Variants in TMEM269 observed in about 807,000 individuals in gnomAD.
The protein encoded by TMEM269 is transmembrane protein 269.
In TMEM269, 12 loss-of-function variants were observed where a neutral mutation model predicts 15.8. The ratio of observed to expected loss-of-function variants is 0.76; its 90% CI spans 0.49 to 1.23. TMEM269 has a LOEUF of 1.23. Ranked by LOEUF, TMEM269 falls within the 50% of genes most tolerant of loss-of-function variation. TMEM269 has a pLI of 0.00. For synonymous variants in TMEM269, 93 were observed against 99.3 expected, an observed-to-expected ratio of 0.94 and a Z score of 0.38; for missense variants, 211 against 245.4, an observed-to-expected ratio of 0.86 and a Z score of 0.94.
intron 2 of TMEM269, among the ~76,000 whole-genome samples, chr1:42,792,395 T>C (rs1462402216): frequency 4.6e-5 from 7 of 152,110 alleles, no homozygotes; most frequent in African/African-American, 1.4e-4. Context: ...ATTTTACAGA[T>C]GGGGGAACAG....
At chr1:42,790,624 GGT>G (rs1304148395) in intron 2 of TMEM269, among the ~76,000 whole-genome samples, 2 of 148,752 alleles carry the variant, frequency 1.3e-5, no homozygotes, top group African/African-American at 2.5e-5. Flanking sequence ...TAAGAGATGA[GGT>G]CTCATTATAT....
Position 42,789,872 on chromosome 1 carries a change from C to A in TMEM269, c.-22C>A. 6.4e-7 allele frequency: 1 copy of A among 1,550,888 alleles called. No individual in the cohort carries two copies. The highest frequency in any genetic ancestry group is 2.4e-5 in the East Asian group (1 of 40,926). On this transcript the variant is annotated 5_prime_UTR_variant, in exon 2 of 6. Transcript: ENST00000637012. ...ATGAGGTTTCCTGGAAGGATGTTACCAGTGCCTTATCTCTGGCCAACATGG... is the reference window on the plus strand; with the variant it reads ...ATGAGGTTTCCTGGAAGGATGTTACAAGTGCCTTATCTCTGGCCAACATGG...
rs1653834693 is a variant in TMEM269 at position 42,798,737 on chromosome 1, T to TTTG, written c.*514_*515insGTT. ...TTGTAACTTCAACATTCTGGGTTTT[T>TTTG]TTTTTTTTTTTTTTTTTTTTTTTGA... is the stretch of plus-strand genomic sequence containing the variant. On this transcript the variant is annotated 3_prime_UTR_variant, in exon 6 of 6. Transcript: ENST00000637012. 7.7e-6 allele frequency: 1 copy of TTTG among 129,628 alleles called. No homozygotes were observed. Among genetic ancestry groups the TTTG allele is most frequent in the Non-Finnish European group, 1.6e-5 (1 of 60,858 alleles). 8.0% of individuals were successfully genotyped at this position (129,628 alleles called of 1,614,324 possible).
chr1:42,786,331 G>T (rs1343284701), intron 1 of TMEM269, among the ~76,000 whole-genome samples: 1 of 152,204 alleles, frequency 6.6e-6, no homozygotes. Context: ...TGTAGGCGGT[G>T]CCCAAACAGA....
chr1:42,793,504 A>T, intron 3 of TMEM269, 97 bp from the exon 4 acceptor site: 2 of 1,250,980 alleles, frequency 1.6e-6, no homozygotes, highest in Non-Finnish European at 2.2e-6. Flanking sequence ...TGACCTCAGG[A>T]CCCCTCTTAT....
chr1:42,792,761 T>A, intron 2 of TMEM269, 44 bp from the exon 3 acceptor site: 3 of 1,285,024 alleles, frequency 2.3e-6, no homozygotes, highest in Non-Finnish European at 3.3e-6. Context: ...CAGTGGAAAC[T>A]GCGAAAGTGC....
At chr1:42,789,462 T>G in intron 1 of TMEM269, 1 of 1,535,524 alleles carries the variant, frequency 6.5e-7, no homozygotes. Context: ...CCCCCTGCAT[T>G]CTGGGCCATG....
At chr1:42,786,111 G>C (rs747708778) in intron 1 of TMEM269, among the ~76,000 whole-genome samples, 1 of 152,220 alleles carries the variant, frequency 6.6e-6, no homozygotes. Context: ...CTGGACTGTT[G>C]AGCGTTCATC....
intron 3 of TMEM269, 54 bp downstream of exon 3, chr1:42,792,956 G>C: frequency 7.1e-7 from 1 of 1,401,846 alleles, no homozygotes; most frequent in Admixed American, 2.0e-5. Flanking sequence ...TCCATCTGGG[G>C]TCACCCCTTC....
intron 1 of TMEM269, among the ~76,000 whole-genome samples, chr1:42,787,546 G>A (rs1653565379): frequency 7.0e-6 from 1 of 142,448 alleles, no homozygotes; most frequent in African/African-American, 2.6e-5. Flanking sequence ...CTTGCAGTGA[G>A]CCGAGATTGT....
intron 5 of TMEM269, 39 bp downstream of exon 5, chr1:42,794,652 GT>G (rs1653761554): frequency 7.1e-7 from 1 of 1,416,080 alleles, no homozygotes; most frequent in Admixed American, 2.0e-5. Flanking sequence ...TGTTATCACA[GT>G]TGCTTATTGC....
At chr1:42,795,509 A>G (rs575209658) in intron 5 of TMEM269, among the ~76,000 whole-genome samples, 7 of 152,320 alleles carry the variant, frequency 4.6e-5, no homozygotes, top group Middle Eastern at 3.4e-3. Context: ...TTTTGTTCAG[A>G]TGAGAGGTGA....
At position 42,793,698 on chromosome 1, in the gene TMEM269, C is replaced by T; in HGVS notation, c.237C>T (p.Ile79=). The change falls in exon 4 of 6, where the codon ATC becomes ATT. Residue 79 remains isoleucine, a synonymous_variant. Transcript: ENST00000637012. ...VDGLLSGILA[I]IYVSAASFHL... is the part of the protein sequence containing the mutation. ...GACTTCTGAGTGGGATCCTGGCCAT[C>T]ATCTATGTGTCAGCTGCTTCTTTCC... is the stretch of plus-strand genomic sequence containing the variant. The T allele has an allele frequency of 6.4e-7, 1 of 1,550,624 alleles. No homozygotes were observed.
chr1:42,793,801 C>T, intron 4 of TMEM269, 57 bp downstream of exon 4: 1 of 1,505,440 alleles, frequency 6.6e-7, no homozygotes, highest in Admixed American at 2.3e-5. Context: ...GAACGGGGGG[C>T]TGTCGGGTGC....
Position 42,798,015 on chromosome 1 carries a change from G to GGGT in TMEM269, c.485-80_485-78dup, listed in dbSNP as rs2124225628. 1.1e-5 allele frequency: 16 copies of GGGT among 1,459,922 alleles called. No homozygotes were observed. In the South Asian group the frequency reaches 2.0e-4, roughly 18 times the overall value. 90.4% of individuals were successfully genotyped at this position (1,459,922 alleles called of 1,614,324 possible). On this transcript the variant is annotated intron_variant, in intron 5 of 5. Transcript: ENST00000637012. The stretch of plus-strand genomic sequence containing the variant: ...TGTGGGTGAAAAGTAAAGAATGGGA[G>GGGT]GGTGGGGACGGGAGAGTAGAGGGTA...
rs1370488490 is a variant in TMEM269, at chr1:42,788,600, GT to G, written c.-98-1195del. On this transcript the variant is annotated intron_variant, in intron 1 of 5. Transcript: ENST00000637012. The surrounding 1 kb of genome is among the most constrained non-coding windows in gnomAD (Gnocchi z 4.0). ...AGCACTGGGGGGCCTGGGCTGGACG[GT>G]CCCACACACACAGGGAGGCTGCTGC... 1.3e-5 allele frequency among the ~76,000 whole-genome samples: 2 copies of G among 152,280 alleles called. No individual in the cohort carries two copies. Among genetic ancestry groups the G allele is most frequent in the African/African-American group, 4.8e-5 (2 of 41,548 alleles).
At chr1:42,794,245 C>T (rs572555835) in intron 4 of TMEM269, among the ~76,000 whole-genome samples, 168 bp from the exon 5 acceptor site, 1 of 152,318 alleles carries the variant, frequency 6.6e-6, no homozygotes, top group East Asian at 1.9e-4. Context: ...CAATGTAAAA[C>T]CCATGCATCA....
intron 1 of TMEM269, among the ~76,000 whole-genome samples, chr1:42,785,351 C>T (rs1013554580): frequency 9.2e-5 from 14 of 152,156 alleles, no homozygotes; most frequent in African/African-American, 3.4e-4. Context: ...GCCTGTGCCA[C>T]GCGTGTCGCC....
rs551051221 is a variant in TMEM269 at position 42,788,472 on chromosome 1, G to T, written c.-98-1324G>T. On this transcript the variant is annotated intron_variant, in intron 1 of 5. Transcript: ENST00000637012. The surrounding 1 kb of genome is among the most constrained non-coding windows in gnomAD (Gnocchi z 4.0). ...GTTTCTCAAGCAGATTGAGTGTAAGGTGTACAAATGTGGTCTTAGAGTAAA... is the reference window on the plus strand; with the variant it reads ...GTTTCTCAAGCAGATTGAGTGTAAGTTGTACAAATGTGGTCTTAGAGTAAA... Among the ~76,000 whole-genome samples the T allele has an allele frequency of 5.9e-5, 9 of 152,248 alleles. No homozygotes were observed. Among genetic ancestry groups the T allele is most frequent in the African/African-American group, 2.2e-4 (9 of 41,566 alleles).
Sources: allele counts gnomAD v4.1 joint callset (sites outside exome capture counted in the v4.1 genomes callset), GRCh38; gene constraint gnomAD v4.1.1; non-coding constraint Gnocchi (gnomAD v3.1); transcripts MANE v1.5; gene names NCBI Gene and HGNC (gene_info 2026-07-23, HGNC 2026-07-21).